The following FAM217B variants were observed in gnomAD, a reference collection of about 807,000 sequenced individuals.
FAM217B encodes the protein protein FAM217B.
For missense variants in FAM217B, 463 were observed against 456.9 expected (o/e 1.01, Z -0.12); for synonymous variants, 163 against 173.0 (o/e 0.94, Z 0.45).
chr20:59,939,159 C>G, upstream of FAM217B: 1 of 1,611,478 alleles, frequency 6.2e-7, no homozygotes, highest in South Asian at 1.1e-5. Context: ...CACTTGGTAG[C>G]GCACCGCGAA....
In FAM217B at chr20:59,944,979, G is replaced by A. The variant is rs982523692; in HGVS notation, c.1036G>A (p.Ala346Thr). The part of the protein sequence containing the change: ...ADSCKASKTQ[A>T]HAHPRKKGKA... ...TTCCTGTAAGGCCTCCAAAACACAA[G>A]CACATGCACATCCTAGGAAAAAGGG... The change falls in exon 4 of 4, where the codon GCA becomes ACA. Residue 346 changes from alanine (A) to threonine (T), a missense_variant. By Grantham distance (58) the Ala-to-Thr change is moderately conservative (BLOSUM62 0). Transcript: ENST00000360816. 1.1e-5 allele frequency: 17 copies of A among 1,614,042 alleles called. No homozygotes were observed. Among genetic ancestry groups the A allele is most frequent in the East Asian group, 2.2e-5 (1 of 44,890 alleles).
In FAM217B at chr20:59,944,755, T is replaced by C. The variant is rs752892935; in HGVS notation, c.812T>C (p.Ile271Thr). The part of the protein sequence containing the change: ...HYAFETSPRP[I>T]DVLGGTRFCS... ...GCATTTGAGACTTCCCCTAGACCCA[T>C]TGATGTGCTTGGTGGTACCAGGTTT... The change falls in exon 4 of 4, where the codon ATT (isoleucine) becomes ACT (threonine). Residue 271 changes from isoleucine to threonine, a missense_variant. Ile to Thr is a moderately conservative substitution (Grantham distance 89). Transcript: ENST00000360816. The C allele has an allele frequency of 1.2e-5, 19 of 1,614,162 alleles. No individual in the cohort carries two copies. The highest frequency in any genetic ancestry group is 3.3e-5 in the South Asian group (3 of 91,088).
intron 1 of FAM217B, among the ~76,000 whole-genome samples, chr20:59,941,154 A>G (rs1601044393): frequency 2.0e-5 from 3 of 152,348 alleles, no homozygotes; most frequent in East Asian, 3.9e-4. Flanking sequence ...CTTTGGTGTA[A>G]AGCATACCAG....
chr20:59,943,477 A>T (rs1193357164), intron 3 of FAM217B, among the ~76,000 whole-genome samples: 2 of 152,234 alleles, frequency 1.3e-5, no homozygotes, highest in East Asian at 3.8e-4. Context: ...CAAAACTTGC[A>T]TGTTTATTTG....
upstream of FAM217B, chr20:59,939,350 G>T: frequency 1.2e-6 from 2 of 1,610,914 alleles, no homozygotes; most frequent in African/African-American, 1.3e-5. Flanking sequence ...CGTTGCACAC[G>T]CGCACCGTAC....
chr20:59,940,155 T>A (rs2060891945), upstream of FAM217B: 1 of 400,226 alleles, frequency 2.5e-6, no homozygotes, highest in African/African-American at 2.1e-5. Flanking sequence ...GAGTGGGGAG[T>A]TTTTCTCTAG....
rs749209846 is a variant in FAM217B at position 59,944,447 on chromosome 20, G to T, written c.504G>T (p.Thr168=). Residue 168 remains threonine, a synonymous_variant, in exon 4 of 4, where the codon ACG becomes ACT. Transcript: ENST00000360816. ...MALLLNAENK[T]EAVPRVGGLL... Reference sequence around the variant, plus strand: ...TGCTTCTGAACGCAGAGAACAAAACGGAAGCCGTGCCCCGAGTGGGAGGAC... The same window carrying T: ...TGCTTCTGAACGCAGAGAACAAAACTGAAGCCGTGCCCCGAGTGGGAGGAC... 2 of 1,613,722 alleles carry T rather than the reference G, an allele frequency of 1.2e-6. No individual in the cohort carries two copies. Among genetic ancestry groups the T allele is most frequent in the African/African-American group, 2.7e-5 (2 of 74,816 alleles).
intron 1 of FAM217B, chr20:59,933,997 A>AGGAAGGGAT (rs1013753547): frequency 1.3e-5 from 2 of 152,294 alleles, no homozygotes; most frequent in African/African-American, 2.4e-5. Flanking sequence ...ACAGGCGAGC[A>AGGAAGGGAT]GGAAGGGATG....
upstream of FAM217B, chr20:59,937,058 ATT>A (rs1241827571): frequency 6.6e-6 from 1 of 152,584 alleles, no homozygotes; most frequent in East Asian, 1.9e-4. Context: ...TAATGTTGGT[ATT>A]TTTTAAAAGG....
intron 1 of FAM217B, among the ~76,000 whole-genome samples, chr20:59,934,038 G>A (rs940262695): frequency 6.6e-6 from 1 of 152,128 alleles, no homozygotes; most frequent in Admixed American, 6.5e-5. Flanking sequence ...GGGACCAGGA[G>A]AAGCCCATCC....
At chr20:59,936,722 A>G (rs2060864531), upstream of FAM217B, 1 of 152,262 alleles carries the variant, frequency 6.6e-6, no homozygotes, top group African/African-American at 2.4e-5. Context: ...TGTTGTAGAA[A>G]GGATAAGACT....
chr20:59,939,661 C>CG, upstream of FAM217B: 2 of 1,481,290 alleles, frequency 1.4e-6, no homozygotes, highest in South Asian at 2.7e-5. Context: ...CGACACGCAG[C>CG]GCCCGGCGCG....
chr20:59,939,703 T>C, upstream of FAM217B: 1 of 1,346,422 alleles, frequency 7.4e-7, no homozygotes, highest in Non-Finnish European at 9.5e-7. Context: ...TCGGGGGAGC[T>C]GGGCAGTGAG....
In FAM217B at chr20:59,944,373, A is replaced by G; in HGVS notation, c.430A>G (p.Asn144Asp). ...TACAAAACCTGAATACTATTATCCT[A>G]ATTTCCTTCCATCCCCTTTCAGCTC... ...GHTKPEYYYP[N>D]FLPSPFSSWD... is the part of the protein sequence containing the mutation. Residue 144 changes from asparagine to aspartate, a missense_variant, in exon 4 of 4, where the codon AAT becomes GAT. By Grantham distance (23) the Asn-to-Asp change is conservative. Transcript: ENST00000360816. The G allele has an allele frequency of 6.2e-7, 1 of 1,613,914 alleles. No individual in the cohort carries two copies. Among genetic ancestry groups the G allele is most frequent in the Non-Finnish European group, 8.5e-7 (1 of 1,179,982 alleles).
chr20:59,934,294 C>T (rs2060839344), intron 1 of FAM217B, among the ~76,000 whole-genome samples: 1 of 152,230 alleles, frequency 6.6e-6, no homozygotes, highest in Non-Finnish European at 1.5e-5. Context: ...CTTTCAGACG[C>T]TTCCATTTAA....
At chr20:59,939,107 G>T, upstream of FAM217B, 1 of 1,601,166 alleles carries the variant, frequency 6.2e-7, no homozygotes. Context: ...ATGTGAGGCT[G>T]TAGTCTCGGT....
upstream of FAM217B, chr20:59,939,661 C>T (rs779891555): frequency 6.8e-7 from 1 of 1,481,290 alleles, no homozygotes; most frequent in Non-Finnish European, 8.9e-7. Context: ...CGACACGCAG[C>T]GCCCGGCGCG....
chr20:59,945,039 AGT>A lies in FAM217B; in HGVS notation c.1098_1099del (p.Ser366ArgfsTer15), dbSNP rs767198130. ...AESCGHATVS[S>X]EKKLKTNGVK... is the part of the protein sequence containing the mutation. ...GAGCTGTGGTCATGCCACTGTATCG[AGT>A]GAGAAAAAACTGAAAACAAACGGAG... On this transcript the variant is annotated frameshift_variant, in exon 4 of 4. Transcript: ENST00000360816. LOFTEE classifies it high-confidence loss of function. 2 of 1,605,774 alleles carry A rather than the reference AGT, an allele frequency of 1.2e-6. No individual in the cohort carries two copies. Among genetic ancestry groups the A allele is most frequent in the Admixed American group, 1.7e-5 (1 of 57,378 alleles).
In FAM217B at chr20:59,948,495, T is replaced by G. The variant is rs1328053797; in HGVS notation, c.*3400T>G. ...ATTTTAAGGTAATTCAGAAGCAGTA[T>G]GTATTATTTATGTACATGTACAGGA... On this transcript the variant is annotated 3_prime_UTR_variant, in exon 4 of 4. Transcript: ENST00000360816. 6.0e-6 allele frequency: 1 copy of G among 167,060 alleles called. No individual in the cohort carries two copies. The highest frequency in any genetic ancestry group is 1.9e-4 in the East Asian group (1 of 5,202). The allele number at this position is 167,060 out of a possible 1,614,324, so 10.3% of individuals were successfully genotyped here.
Sources: gnomAD v4.1 joint callset for allele counts (sites outside exome capture counted in the v4.1 genomes callset) on GRCh38, gnomAD v4.1.1 for gene constraint, MANE v1.5 for transcripts, NCBI Gene and HGNC (gene_info 2026-07-23, HGNC 2026-07-21) for gene names.